ODF2: variants seen among roughly 807,000 people sequenced by gnomAD.
ODF2 encodes the protein outer dense fiber of sperm tails 2, also known as outer dense fiber protein 2.
Under a neutral mutation model 110.2 loss-of-function variants are expected in ODF2, and 47 were observed. The ratio of observed to expected loss-of-function variants is 0.43; its 90% CI spans 0.34 to 0.54. The LOEUF is 0.54. Ranked by LOEUF, ODF2 falls within the 20% of genes least tolerant of loss-of-function variation. The pLI, the probability that ODF2 is intolerant of heterozygous loss-of-function variation, is 0.03. For synonymous variants in ODF2, 352 were observed against 397.7 expected (o/e 0.89, Z 1.37); for missense variants, 812 against 1,054.5 (o/e 0.77, Z 3.19).
At position 128,472,810 on chromosome 9, in the gene ODF2, C is replaced by T. The variant is rs374238644; in HGVS notation, c.582-103C>T. 15 of 1,547,694 alleles carry T rather than the reference C, an allele frequency of 9.7e-6. 1 individual carries two copies. In the African/African-American group the frequency reaches 1.2e-4, roughly 13 times the overall value. ...TGTCCCTGCCCCCTCCCCTACTTTT[C>T]CCTGACCAGAGGTGAGCCCCCTAGG... On this transcript the variant is annotated intron_variant, in intron 6 of 20. Transcript: ENST00000604420.
rs1192991392 is a variant in ODF2, at chr9:128,457,183, C to T, written c.-208-15C>T. ...CAGGTCGCTCAGCCTCTACTATTTC[C>T]CCCTACTTTGGCAGGACAGTTGCTG... On this transcript the variant is annotated splice_polypyrimidine_tract_variant and intron_variant, in intron 1 of 20. Transcript: ENST00000604420. 3.3e-6 allele frequency: 5 copies of T among 1,529,696 alleles called. No individual in the cohort carries two copies. The South Asian group carries it at 4.7e-5, about 14-fold the overall frequency. 94.8% of individuals were successfully genotyped at this position (1,529,696 alleles called of 1,614,324 possible).
exon 5 of ODF2, chr9:128,469,195 T>C (rs1275568069): frequency 2.5e-6 from 4 of 1,613,794 alleles, no homozygotes; most frequent in Non-Finnish European, 3.4e-6. Flanking sequence ...TCCACCTCAT[T>C]GCCTGGAGAT....
exon 20 of ODF2, chr9:128,499,038 G>A (rs753590712): frequency 1.9e-5 from 31 of 1,614,032 alleles, no homozygotes; most frequent in East Asian, 4.5e-5. Context: ...TCCAAGGAGC[G>A]AGCAGCCCAG....
At chr9:128,460,223 T>C (rs1012976745) in intron 3 of ODF2, 1 of 1,319,732 alleles carries the variant, frequency 7.6e-7, no homozygotes, top group Non-Finnish European at 9.9e-7. Flanking sequence ...AAGGAGGAGC[T>C]GTGCATTCCA....
intron 4 of ODF2, among the ~76,000 whole-genome samples, chr9:128,467,931 G>A (rs548091254): frequency 6.6e-6 from 1 of 152,038 alleles, no homozygotes; most frequent in African/African-American, 2.4e-5. Flanking sequence ...TCCTGACCTC[G>A]TGATCCGCCC....
exon 8 of ODF2, chr9:128,473,702 C>T (rs191456254): frequency 9.9e-6 from 16 of 1,613,828 alleles, no homozygotes; most frequent in Admixed American, 6.7e-5. Flanking sequence ...AGACCAACCG[C>T]ACCCTCCGAG....
chr9:128,500,346 C>G, exon 21 of ODF2: 1 of 1,342,768 alleles, frequency 7.4e-7, no homozygotes, highest in Non-Finnish European at 1.0e-6. Flanking sequence ...GTTTTCCTCT[C>G]CCAGTGAAAA....
At chr9:128,482,310 C>T (rs1238529654) in intron 9 of ODF2, among the ~76,000 whole-genome samples, 1 of 152,142 alleles carries the variant, frequency 6.6e-6, no homozygotes, top group Non-Finnish European at 1.5e-5. Flanking sequence ...GCAAGCTCGG[C>T]GATAATGCCT....
intron 20 of ODF2, among the ~76,000 whole-genome samples, chr9:128,499,586 C>G (rs1012828762): frequency 2.6e-5 from 4 of 151,834 alleles, no homozygotes; most frequent in African/African-American, 9.7e-5. Flanking sequence ...TGAGCCACTG[C>G]ACCCAGACTC....
At chr9:128,470,018 A>AATATATAT in intron 5 of ODF2, among the ~76,000 whole-genome samples, 279 of 16,968 alleles carry the variant, frequency 0.016, 9 homozygotes, top group East Asian at 0.046. Context: ...AAAAAAAAAA[A>AATATATAT]ATATATATAT....
chr9:128,469,398 G>A lies in ODF2; in HGVS notation c.420+45G>A, dbSNP rs1839137721. 2.5e-6 allele frequency: 4 copies of A among 1,597,292 alleles called. No individual in the cohort carries two copies. In the East Asian group the frequency reaches 6.7e-5, roughly 27 times the overall value. ...GGGATAGCTACTACCCTGAGGATGT[G>A]CAGGAGCACCCAGGTGGATTTCCTG... On this transcript the variant is annotated intron_variant, in intron 5 of 20. Transcript: ENST00000604420.
At chr9:128,497,466 T>A (rs1346317066) in intron 18 of ODF2, 27 of 100,914 alleles carry the variant, frequency 2.7e-4, no homozygotes, top group Middle Eastern at 4.9e-3. Flanking sequence ...TATATATATA[T>A]ATATATATAT....
intron 11 of ODF2, 80 bp downstream of exon 11, chr9:128,484,134 C>T (rs774201145): frequency 1.5e-4 from 155 of 1,019,426 alleles, no homozygotes; most frequent in Middle Eastern, 2.9e-4. Context: ...CCAGATATCA[C>T]ACTCAGGAAG....
chr9:128,470,044 T>TATATATATATATATAA (rs1564476177), intron 5 of ODF2, among the ~76,000 whole-genome samples: 12 of 64,798 alleles, frequency 1.9e-4, no homozygotes, highest in African/African-American at 6.7e-4. Context: ...TATATATATA[T>TATATATATATATATAA]ATAAATAAAA....
At chr9:128,488,176 C>T (rs940994558) in intron 14 of ODF2, 151 bp downstream of exon 14, 2 of 933,426 alleles carry the variant, frequency 2.1e-6, no homozygotes, top group Non-Finnish European at 3.2e-6. Context: ...GCCTGTAATC[C>T]CAACACTTTG....
intron 8 of ODF2, among the ~76,000 whole-genome samples, chr9:128,474,008 G>T (rs1341119806): frequency 6.6e-6 from 1 of 152,128 alleles, no homozygotes; most frequent in African/African-American, 2.4e-5. Flanking sequence ...TCAGCCCAGG[G>T]CATAGAAAAG....
rs144654112 is a variant in ODF2 at position 128,457,594 on chromosome 9, G to A, written c.32+157G>A. Among the ~76,000 whole-genome samples, 216 of 152,332 alleles carry A rather than the reference G, an allele frequency of 1.4e-3. 1 individual carries two copies. The highest frequency in any genetic ancestry group is 2.6e-3 in the Non-Finnish European group (179 of 68,016). On this transcript the variant is annotated intron_variant, in intron 2 of 20. Transcript: ENST00000604420. ...ATCGTTTTTAAAGGGAAGGGGGAAC[G>A]AAATGTATACACAATCCTAGCTCTA... is the stretch of plus-strand genomic sequence containing the variant.
intron 18 of ODF2, among the ~76,000 whole-genome samples, chr9:128,496,598 G>A (rs112907596): frequency 1.3e-5 from 2 of 152,258 alleles, no homozygotes; most frequent in Non-Finnish European, 2.9e-5. Flanking sequence ...TTGGGAATCA[G>A]AAGCCCTGGC....
upstream of ODF2, chr9:128,455,395 C>CAAA: frequency 2.3e-6 from 1 of 439,690 alleles, no homozygotes; most frequent in Non-Finnish European, 3.8e-6. Flanking sequence ...ACTAAAAATA[C>CAAA]AAAAAAAAAT....
Sources: gnomAD v4.1 joint callset for allele counts (sites outside exome capture counted in the v4.1 genomes callset) on GRCh38, gnomAD v4.1.1 for gene constraint, MANE v1.5 for transcripts, NCBI Gene and HGNC (gene_info 2026-07-23, HGNC 2026-07-21) for gene names.